The following TDRP variants were observed in gnomAD, a reference collection of about 807,000 sequenced individuals.
The protein encoded by TDRP is testis development-related protein.
Under a neutral mutation model 10.5 loss-of-function variants are expected in TDRP, and 12 were observed. That is an observed-to-expected ratio of 1.15 (90% CI 0.73 to 1.86). TDRP has a LOEUF of 1.86. Among genes scored for constraint, TDRP ranks in the 40% most tolerant of loss-of-function variants. The pLI is 0.00. For missense variants in TDRP, 353 were observed against 229.2 expected (o/e 1.54, Z -3.49); for synonymous variants, 139 against 95.4 (o/e 1.46, Z -2.67).
At chr8:499,043 C>A (rs1353008787) in intron 1 of TDRP, among the ~76,000 whole-genome samples, 1 of 152,108 alleles carries the variant, frequency 6.6e-6, no homozygotes, top group Non-Finnish European at 1.5e-5. Context: ...TAGTTCTTTA[C>A]AGCAGTGTGT....
At chr8:537,878 A>C (rs1474437783) in intron 1 of TDRP, among the ~76,000 whole-genome samples, 1 of 152,234 alleles carries the variant, frequency 6.6e-6, no homozygotes, top group African/African-American at 2.4e-5. Context: ...TTGGTTATAT[A>C]AAAGAGTAAG....
intron 1 of TDRP, among the ~76,000 whole-genome samples, chr8:542,680 C>G (rs1022132210): frequency 6.6e-6 from 1 of 151,980 alleles, no homozygotes; most frequent in African/African-American, 2.4e-5. Context: ...GCCTGACCAA[C>G]ATGGACAACT....
intron 1 of TDRP, among the ~76,000 whole-genome samples, chr8:524,253 A>G (rs1331344620): frequency 1.3e-5 from 2 of 152,202 alleles, no homozygotes; most frequent in African/African-American, 2.4e-5. Flanking sequence ...GGGTGCCCCT[A>G]ATACAGTGAC....
At chr8:532,218 G>C (rs1368561355) in intron 1 of TDRP, among the ~76,000 whole-genome samples, 9 of 152,322 alleles carry the variant, frequency 5.9e-5, no homozygotes, top group African/African-American at 1.9e-4. Flanking sequence ...GAAGGTGCCT[G>C]TGTTGCATCT....
intron 1 of TDRP, among the ~76,000 whole-genome samples, chr8:507,922 T>C (rs1166347930): frequency 4.6e-5 from 7 of 152,106 alleles, no homozygotes; most frequent in Admixed American, 4.6e-4. Context: ...AGTTAAAAAA[T>C]AAAAATAAAA....
chr8:533,084 C>T (rs1262812014), intron 1 of TDRP, among the ~76,000 whole-genome samples: 3 of 152,202 alleles, frequency 2.0e-5, no homozygotes, highest in Admixed American at 6.5e-5. Context: ...CAGACCACTT[C>T]AGAGAGGCTT....
chr8:513,495 G>C (rs926822295), intron 1 of TDRP, among the ~76,000 whole-genome samples: 2 of 152,070 alleles, frequency 1.3e-5, no homozygotes, highest in Non-Finnish European at 2.9e-5. Flanking sequence ...AAAAAGAAGG[G>C]AATTTCCTCA....
At chr8:520,240 A>AT (rs1801865983) in intron 1 of TDRP, among the ~76,000 whole-genome samples, 1 of 152,254 alleles carries the variant, frequency 6.6e-6, no homozygotes, top group Admixed American at 6.5e-5. Flanking sequence ...TTCATGAAGC[A>AT]TAATATTCTC....
chr8:543,354 G>A (rs1282250642), intron 1 of TDRP, among the ~76,000 whole-genome samples: 1 of 151,988 alleles, frequency 6.6e-6, no homozygotes, highest in Non-Finnish European at 1.5e-5. Flanking sequence ...GTGGGTTTCA[G>A]GATTCATTAG....
chr8:530,423 T>G (rs1338969101), intron 1 of TDRP, among the ~76,000 whole-genome samples: 1 of 152,194 alleles, frequency 6.6e-6, no homozygotes, highest in Non-Finnish European at 1.5e-5. Context: ...ATATGTCTCA[T>G]TATTTTTTTG....
chr8:513,726 T>C (rs1001081824), intron 1 of TDRP, among the ~76,000 whole-genome samples: 6 of 152,332 alleles, frequency 3.9e-5, no homozygotes, highest in African/African-American at 1.4e-4. Flanking sequence ...GCTGATAACA[T>C]GATCTTTTGC....
At chr8:504,400 G>A (rs1015047664) in intron 1 of TDRP, among the ~76,000 whole-genome samples, 2 of 152,096 alleles carry the variant, frequency 1.3e-5, no homozygotes, top group African/African-American at 4.8e-5. Context: ...TTCACTTCAA[G>A]AGTCCTGAAG....
chr8:539,073 G>C (rs192093554), intron 1 of TDRP, among the ~76,000 whole-genome samples: 4 of 152,272 alleles, frequency 2.6e-5, no homozygotes, highest in Non-Finnish European at 5.9e-5. Context: ...TAGGGGACTC[G>C]TTTTTTCAAT....
At chr8:517,380 T>C (rs1383348313) in intron 1 of TDRP, among the ~76,000 whole-genome samples, 1 of 152,182 alleles carries the variant, frequency 6.6e-6, no homozygotes, top group African/African-American at 2.4e-5. Flanking sequence ...CAAGGAGAGA[T>C]TAAACGAAGC....
intron 1 of TDRP, among the ~76,000 whole-genome samples, chr8:543,663 T>C (rs986893569): frequency 8.5e-5 from 13 of 152,064 alleles, no homozygotes; most frequent in Admixed American, 2.6e-4. Context: ...CCATTTTCCA[T>C]GAGTTAGGAA....
intron 1 of TDRP, among the ~76,000 whole-genome samples, chr8:535,218 G>A (rs1015057706): frequency 3.9e-5 from 6 of 152,122 alleles, no homozygotes; most frequent in East Asian, 3.9e-4. Flanking sequence ...ACTGGTCTGC[G>A]GGCTGTCCAC....
chr8:537,705 T>G (rs138522906), intron 1 of TDRP, among the ~76,000 whole-genome samples: 2 of 152,276 alleles, frequency 1.3e-5, no homozygotes, highest in East Asian at 3.9e-4. Context: ...TAGCCTCCTA[T>G]CAGTCTCACA....
At chr8:493,115 C>A (rs574211456) in intron 2 of TDRP, among the ~76,000 whole-genome samples, 31 of 152,256 alleles carry the variant, frequency 2.0e-4, no homozygotes, top group African/African-American at 7.0e-4. Flanking sequence ...GAAATCTATT[C>A]AATTTATCAA....
At chr8:526,661 T>C (rs1802042615) in intron 1 of TDRP, among the ~76,000 whole-genome samples, 2 of 152,212 alleles carry the variant, frequency 1.3e-5, no homozygotes, top group Non-Finnish European at 1.5e-5. Context: ...TGTGGTTTTC[T>C]CTTTTTGGTA....
Sources: allele counts gnomAD v4.1 joint callset (sites outside exome capture counted in the v4.1 genomes callset), GRCh38; gene constraint gnomAD v4.1.1; transcripts MANE v1.5; gene names NCBI Gene and HGNC (gene_info 2026-07-23, HGNC 2026-07-21).